RAP1GAP2: variants seen among roughly 807,000 people sequenced by gnomAD.
The protein encoded by RAP1GAP2 is rap1 GTPase-activating protein 2.
In RAP1GAP2, 27 loss-of-function variants were observed where a neutral mutation model predicts 95.0. That is an observed-to-expected ratio of 0.28 (90% CI 0.21 to 0.39). The LOEUF is 0.39. Ranked by LOEUF, RAP1GAP2 falls within the 10% of genes least tolerant of loss-of-function variation. The probability of loss-of-function intolerance (pLI) is 1.00; values close to 1 mark genes in which losing one functional copy is unlikely to be tolerated. For missense variants in RAP1GAP2, 771 were observed against 970.0 expected, an observed-to-expected ratio of 0.79 and a Z score of 2.72; for synonymous variants, 373 against 380.9, an observed-to-expected ratio of 0.98 and a Z score of 0.24.
At chr17:2,819,210 C>T (rs1303854886) in intron 2 of RAP1GAP2, among the ~76,000 whole-genome samples, 10 of 151,768 alleles carry the variant, frequency 6.6e-5, no homozygotes, top group Non-Finnish European at 1.2e-4. Context: ...TTAGTAGAGA[C>T]GGGGTTTCAC....
At chr17:2,916,469 C>T (rs1159992803) in intron 3 of RAP1GAP2, among the ~76,000 whole-genome samples, 1 of 152,208 alleles carries the variant, frequency 6.6e-6, no homozygotes, top group African/African-American at 2.4e-5. Flanking sequence ...AGGTTATTTG[C>T]TGAAGGTCCC....
rs554008443 is a variant in RAP1GAP2 at position 3,008,153 on chromosome 17, C to A, written c.1494+8C>A. ...TTCCTGGAGTCTTTTAAGGTATGAG[C>A]GTCAGAGTGACTGATGGTTGCTGTG... On this transcript the variant is annotated splice_region_variant and intron_variant, in intron 17 of 24. Transcript: ENST00000254695. The surrounding 1 kb of genome is among the most constrained non-coding windows in gnomAD (Gnocchi z 4.2). 6.2e-7 allele frequency: 1 copy of A among 1,613,616 alleles called. No individual in the cohort carries two copies. Among genetic ancestry groups the A allele is most frequent in the Non-Finnish European group, 8.5e-7 (1 of 1,179,762 alleles).
upstream of RAP1GAP2, among the ~76,000 whole-genome samples, chr17:2,793,341 A>T (rs2068979106): frequency 6.6e-6 from 1 of 152,162 alleles, no homozygotes. Context: ...TTTAGTAAAG[A>T]CAGGGTTTCA....
intron 2 of RAP1GAP2, among the ~76,000 whole-genome samples, chr17:2,812,085 C>G (rs923418744): frequency 1.3e-5 from 2 of 152,126 alleles, no homozygotes; most frequent in African/African-American, 4.8e-5. Context: ...TGGCCGCAGC[C>G]TACCCTGCAG....
At chr17:2,828,392 G>T (rs2070681322) in intron 2 of RAP1GAP2, among the ~76,000 whole-genome samples, 1 of 151,232 alleles carries the variant, frequency 6.6e-6, no homozygotes, top group South Asian at 2.1e-4. Flanking sequence ...GCAATGCCCA[G>T]TGACTTACCC....
rs201113135 is a variant in RAP1GAP2 at position 2,756,034 on chromosome 17, T to TC, written c.50+272dup. Among the ~76,000 whole-genome samples the TC allele has an allele frequency of 5.6e-3, 852 of 152,190 alleles. 28 individuals carry two copies. Among genetic ancestry groups the TC allele is most frequent in the Admixed American group, 0.042 (640 of 15,304 alleles). On this transcript the variant is annotated intron_variant, in intron 1 of 25. Transcript: ENST00000637138. The stretch of plus-strand genomic sequence containing the variant: ...GCCGTCAGGCTTTGGGGGAACCCCG[T>TC]CCCCCTCCCGCGGGGGCGCCCTTTC...
At chr17:2,934,620 A>G (rs939287593) in intron 3 of RAP1GAP2, among the ~76,000 whole-genome samples, 1 of 152,334 alleles carries the variant, frequency 6.6e-6, no homozygotes, top group Middle Eastern at 3.4e-3. Flanking sequence ...ATAATTACTG[A>G]GTGTCTACTA....
intron 11 of RAP1GAP2, among the ~76,000 whole-genome samples, chr17:2,989,057 T>G (rs1423592498): frequency 6.7e-6 from 1 of 148,634 alleles, no homozygotes; most frequent in African/African-American, 2.5e-5. Context: ...AGACTCCATC[T>G]CAAAAAGACT....
chr17:2,865,628 G>C (rs1385886126), intron 2 of RAP1GAP2, among the ~76,000 whole-genome samples: 1 of 152,178 alleles, frequency 6.6e-6, no homozygotes, highest in Non-Finnish European at 1.5e-5. Context: ...ACTGAAACAG[G>C]CCATCTGAAA....
intron 2 of RAP1GAP2, among the ~76,000 whole-genome samples, chr17:2,841,699 G>T (rs966580808): frequency 2.6e-5 from 4 of 152,224 alleles, no homozygotes; most frequent in African/African-American, 9.6e-5. Context: ...AGTATGGTCT[G>T]GGAAAATGGC....
intron 2 of RAP1GAP2, among the ~76,000 whole-genome samples, chr17:2,844,084 G>A (rs910502647): frequency 2.0e-5 from 3 of 151,808 alleles, no homozygotes; most frequent in African/African-American, 4.8e-5. Context: ...GCAGTGGCTC[G>A]ATCTCGGCTC....
Position 2,961,817 on chromosome 17 carries a change from G to A in RAP1GAP2, c.202-853G>A, listed in dbSNP as rs1328215357. Reference sequence around the variant, plus strand: ...TGAAGGCCTGTTGGCGTGGGCTCTAGAGCGCTGGCTCCGACACCAACAGGC... The same window carrying A: ...TGAAGGCCTGTTGGCGTGGGCTCTAAAGCGCTGGCTCCGACACCAACAGGC... On this transcript the variant is annotated intron_variant, in intron 4 of 24. Coordinates refer to ENST00000254695, the MANE Select transcript of RAP1GAP2 (RefSeq NM_015085.5). Among the ~76,000 whole-genome samples the A allele has an allele frequency of 8.6e-5, 13 of 151,928 alleles. No homozygotes were observed. The East Asian group carries it at 2.3e-3, about 27-fold the overall frequency.
At chr17:2,938,572 C>A in intron 3 of RAP1GAP2, among the ~76,000 whole-genome samples, 1 of 152,256 alleles carries the variant, frequency 6.6e-6, no homozygotes, top group South Asian at 2.1e-4. Flanking sequence ...CCCAGCCATT[C>A]GCTATCTTTA....
At chr17:2,788,028 T>C (rs943548108) in intron 1 of RAP1GAP2, among the ~76,000 whole-genome samples, 3 of 152,218 alleles carry the variant, frequency 2.0e-5, no homozygotes, top group Admixed American at 6.5e-5. Flanking sequence ...ATTTTTTGAA[T>C]TTGCTATTAT....
At chr17:2,853,973 C>T (rs889629584) in intron 2 of RAP1GAP2, 3 of 983,726 alleles carry the variant, frequency 3.0e-6, no homozygotes, top group Non-Finnish European at 3.6e-6. Context: ...CGGGCGAGGT[C>T]GGGCACCGCG....
chr17:2,854,154 G>A (rs1271751197), intron 2 of RAP1GAP2: 4 of 985,042 alleles, frequency 4.1e-6, no homozygotes, highest in African/African-American at 1.7e-5. Flanking sequence ...CTGCATGCCA[G>A]TTTTCTTTGG....
chr17:2,792,643 C>T (rs79682531), upstream of RAP1GAP2, among the ~76,000 whole-genome samples: 43 of 152,334 alleles, frequency 2.8e-4, no homozygotes, highest in East Asian at 7.9e-3. Flanking sequence ...CCAGCGGCAT[C>T]GAAGAAGTCC....
chr17:2,967,251 G>T (rs913621423), intron 8 of RAP1GAP2, among the ~76,000 whole-genome samples: 3 of 152,076 alleles, frequency 2.0e-5, no homozygotes, highest in Non-Finnish European at 4.4e-5. Flanking sequence ...GGTGCCTGTA[G>T]TCCCAGCTAC....
rs562587177 is a variant in RAP1GAP2 at position 2,872,213 on chromosome 17, C to CAAAAAAAAAAA, written c.81-33060_81-33050dup. Among the ~76,000 whole-genome samples, 12 of 75,644 alleles carry CAAAAAAAAAAA rather than the reference C, an allele frequency of 1.6e-4. 1 individual carries two copies. The highest frequency in any genetic ancestry group is 3.7e-4 in the Admixed American group (2 of 5,372). 49.6% of individuals were successfully genotyped at this position (75,644 alleles called of 152,430 possible). ...TGGATGACAGAATGAGCCTCTGTCT[C>CAAAAAAAAAAA]AAAAAAAAAAAAAAAAAAAAAGGTG... On this transcript the variant is annotated intron_variant, in intron 2 of 24. Coordinates refer to ENST00000254695, the MANE Select transcript of RAP1GAP2 (RefSeq NM_015085.5).
Sources: gnomAD v4.1 joint callset for allele counts (sites outside exome capture counted in the v4.1 genomes callset) on GRCh38, gnomAD v4.1.1 for gene constraint, Gnocchi (gnomAD v3.1) non-coding constraint, MANE v1.5 for transcripts, NCBI Gene and HGNC (gene_info 2026-07-23, HGNC 2026-07-21) for gene names.